HTT: variants seen among roughly 807,000 people sequenced by gnomAD.
HTT encodes the protein huntingtin, also known as huntington disease protein.
Under a neutral mutation model 362.3 loss-of-function variants are expected in HTT, and 104 were observed. The observed-to-expected ratio is 0.29, with a 90% CI of 0.24 to 0.34. The LOEUF (loss-of-function observed/expected upper bound fraction) is 0.34. Among genes scored for constraint, HTT ranks in the 10% least tolerant of loss-of-function variants. The probability of loss-of-function intolerance (pLI) is 1.00; values close to 1 mark genes in which losing one functional copy is unlikely to be tolerated. For synonymous variants in HTT, 1,577 were observed against 1,548.7 expected, an observed-to-expected ratio of 1.02 and a Z score of -0.43; for missense variants, 3,301 against 3,928.6, an observed-to-expected ratio of 0.84 and a Z score of 4.27.
In HTT at chr4:3,174,734, C is replaced by T. The variant is rs374630949; in HGVS notation, c.4180C>T (p.Leu1394Phe). ...ENDTSGWFDVLQKVSTQLKTN... is the reference protein window; with the variant it reads ...ENDTSGWFDVFQKVSTQLKTN... The stretch of plus-strand genomic sequence containing the variant: ...CCCATTTGGCAGATGGTTTGATGTC[C>T]TCCAGAAAGTGTCTACCCAGTTGAA... Residue 1394 changes from leucine to phenylalanine, a missense_variant, in exon 32 of 67, where the codon CTC (leucine) becomes TTC (phenylalanine). By Grantham distance (22) the Leu-to-Phe change is conservative (BLOSUM62 0). Coordinates refer to ENST00000355072, the MANE Select transcript of HTT (RefSeq NM_001388492.1). The T allele has an allele frequency of 8.7e-6, 14 of 1,613,608 alleles. No individual in the cohort carries two copies. The highest frequency in any genetic ancestry group is 8.5e-6 in the Non-Finnish European group (10 of 1,179,592).
rs1721747399 is a variant in HTT at position 3,240,256 on chromosome 4, G to T, written c.*197G>T. ...GGCAGTGGCCAGGCAGGGAGTGTCT[G>T]CAGTCCTGGTGGGGCTGAGCCTGAG... On this transcript the variant is annotated 3_prime_UTR_variant, in exon 67 of 67. Transcript: ENST00000355072. 2 of 607,296 alleles carry T rather than the reference G, an allele frequency of 3.3e-6. No homozygotes were observed. Among genetic ancestry groups the T allele is most frequent in the African/African-American group, 1.9e-5 (1 of 54,030 alleles). The allele number at this position is 607,296 out of a possible 1,614,324, so 37.6% of individuals were successfully genotyped here.
intron 4 of HTT, among the ~76,000 whole-genome samples, chr4:3,105,061 G>A (rs1219758837): frequency 6.6e-6 from 1 of 152,124 alleles, no homozygotes; most frequent in South Asian, 2.1e-4. Context: ...GGATTTCATC[G>A]TTATTCAGTA....
intron 61 of HTT, among the ~76,000 whole-genome samples, chr4:3,234,953 G>C (rs1371998110): frequency 6.6e-6 from 1 of 152,214 alleles, no homozygotes; most frequent in African/African-American, 2.4e-5. Flanking sequence ...GAGGGGACTG[G>C]CCTGGGGTGT....
chr4:3,174,458 A>G (rs946510356), intron 31 of HTT, among the ~76,000 whole-genome samples: 6 of 152,230 alleles, frequency 3.9e-5, no homozygotes, highest in Non-Finnish European at 7.3e-5. Flanking sequence ...AGTTTCCTGT[A>G]GCAGAAAAAA....
chr4:3,179,549 T>G (rs142377773), intron 35 of HTT, among the ~76,000 whole-genome samples: 64 of 152,010 alleles, frequency 4.2e-4, no homozygotes, highest in Non-Finnish European at 7.2e-4. Flanking sequence ...CAAAGAGGGT[T>G]GCATTGTGCC....
At chr4:3,082,922 C>T (rs760167021) in intron 1 of HTT, among the ~76,000 whole-genome samples, 7 of 151,984 alleles carry the variant, frequency 4.6e-5, no homozygotes, top group African/African-American at 7.3e-5. Context: ...GAAAAACAAC[C>T]GAATGAGGGG....
intron 29 of HTT, among the ~76,000 whole-genome samples, chr4:3,162,639 A>G (rs1717501685): frequency 6.6e-6 from 1 of 152,188 alleles, no homozygotes; most frequent in Non-Finnish European, 1.5e-5. Flanking sequence ...GAGGTCCTTC[A>G]CATCCCTTGT....
intron 15 of HTT, 22 bp from the exon 16 acceptor site, chr4:3,131,616 G>A (rs1193244642): frequency 1.2e-6 from 2 of 1,609,980 alleles, no homozygotes; most frequent in Admixed American, 3.4e-5. Flanking sequence ...GGCTGAAGGT[G>A]GCTTGGGTGA....
chr4:3,107,224 T>C, intron 5 of HTT, 61 bp from the exon 6 acceptor site: 1 of 1,572,492 alleles, frequency 6.4e-7, no homozygotes, highest in Non-Finnish European at 8.7e-7. Context: ...AGGGAATGAA[T>C]TGCTTCTGTT....
chr4:3,129,161 T>C (rs927609309), intron 12 of HTT: 1 of 152,272 alleles, frequency 6.6e-6, no homozygotes, highest in African/African-American at 2.4e-5. Flanking sequence ...CCTCTGTCCA[T>C]GGACACTTGT....
chr4:3,153,257 C>T (rs1178815898), intron 26 of HTT, among the ~76,000 whole-genome samples: 1 of 152,070 alleles, frequency 6.6e-6, no homozygotes, highest in East Asian at 1.9e-4. Context: ...GACCCAGTCA[C>T]CTCCCAAAGG....
At chr4:3,159,308 A>G (rs1717323737) in intron 28 of HTT, among the ~76,000 whole-genome samples, 1 of 152,214 alleles carries the variant, frequency 6.6e-6, no homozygotes, top group African/African-American at 2.4e-5. Flanking sequence ...TTTGAGAGCT[A>G]GAACTTCCCA....
chr4:3,218,479 A>G lies in HTT; in HGVS notation c.7242+527A>G, dbSNP rs1385795970. On this transcript the variant is annotated intron_variant, in intron 52 of 66. Coordinates refer to ENST00000355072, the MANE Select transcript of HTT (RefSeq NM_001388492.1). The surrounding 1 kb of genome is among the most constrained non-coding windows in gnomAD (Gnocchi z 4.4). Reference sequence around the variant, plus strand: ...GAAACCCCATCTCTACTAAAAATATAAAAATTAGCCAGGTGTGGTGGTGTA... The same window carrying G: ...GAAACCCCATCTCTACTAAAAATATGAAAATTAGCCAGGTGTGGTGGTGTA... Among the ~76,000 whole-genome samples, 1 of 152,104 alleles carries G rather than the reference A, an allele frequency of 6.6e-6. No individual in the cohort carries two copies. The highest frequency in any genetic ancestry group is 1.9e-4 in the East Asian group (1 of 5,182).
chr4:3,173,196 G>T lies in HTT; in HGVS notation c.4166+65G>T, dbSNP rs1054695998. ...CGAAAGAGCAAGCAGGAAATACTTTGTAAAAGAATAAAAACGAAAAATGTT... is the reference window on the plus strand; with the variant it reads ...CGAAAGAGCAAGCAGGAAATACTTTTTAAAAGAATAAAAACGAAAAATGTT... On this transcript the variant is annotated intron_variant, in intron 31 of 66. Transcript: ENST00000355072. 2.9e-6 allele frequency: 4 copies of T among 1,377,740 alleles called. No individual in the cohort carries two copies. The African/African-American group carries it at 5.7e-5, about 20-fold the overall frequency. 85.3% of individuals were successfully genotyped at this position (1,377,740 alleles called of 1,614,324 possible).
chr4:3,235,764 C>T lies in HTT; in HGVS notation c.8771C>T (p.Thr2924Ile). 1 of 1,608,358 alleles carries T rather than the reference C, an allele frequency of 6.2e-7. No individual in the cohort carries two copies. Among genetic ancestry groups the T allele is most frequent in the Non-Finnish European group, 8.5e-7 (1 of 1,179,484 alleles). ...ATGGCGGCTCTGGGCCTGATGCTCA[C>T]CTGCATGTACACAGGTGAGCATGTA... ...RAMAALGLMLTCMYTGKEKVS... is the reference protein window; with the variant it reads ...RAMAALGLMLICMYTGKEKVS... Residue 2924 changes from threonine (T) to isoleucine (I), a missense_variant, in exon 63 of 67, where the codon ACC becomes ATC. Physicochemically the swap from Thr to Ile is moderately conservative, Grantham distance 89. Coordinates refer to ENST00000355072, the MANE Select transcript of HTT (RefSeq NM_001388492.1).
intron 6 of HTT, among the ~76,000 whole-genome samples, chr4:3,111,744 G>GGT (rs1317790002): frequency 6.6e-6 from 1 of 152,116 alleles, no homozygotes; most frequent in East Asian, 1.9e-4. Flanking sequence ...CTTTGCCGGA[G>GGT]GTGGGGGAGG....
At chr4:3,107,592 C>T (rs1314923217) in intron 6 of HTT, among the ~76,000 whole-genome samples, 169 bp downstream of exon 6, 2 of 152,162 alleles carry the variant, frequency 1.3e-5, no homozygotes, top group Non-Finnish European at 2.9e-5. Flanking sequence ...CTAAGGACTT[C>T]TTTCCACTTC....
chr4:3,142,307 T>C (rs1716387518), intron 22 of HTT, among the ~76,000 whole-genome samples: 1 of 152,238 alleles, frequency 6.6e-6, no homozygotes, highest in Non-Finnish European at 1.5e-5. Context: ...GTATTATAAT[T>C]CATTTATAAT....
intron 28 of HTT, among the ~76,000 whole-genome samples, chr4:3,159,291 T>C (rs554609722): frequency 4.1e-4 from 62 of 152,344 alleles, no homozygotes; most frequent in Non-Finnish European, 8.2e-4. Context: ...TGACCTCTTT[T>C]CCCTTCTTTG....
Sources: gnomAD v4.1 joint callset for allele counts (sites outside exome capture counted in the v4.1 genomes callset) on GRCh38, gnomAD v4.1.1 for gene constraint, Gnocchi (gnomAD v3.1) non-coding constraint, MANE v1.5 for transcripts, NCBI Gene and HGNC (gene_info 2026-07-23, HGNC 2026-07-21) for gene names.